The following INSR variants were observed in gnomAD, a reference collection of about 807,000 sequenced individuals.
INSR encodes the protein IR.
A neutral mutation model predicts 142.6 loss-of-function variants in INSR; 67 were observed. That is an observed-to-expected ratio of 0.47 (90% CI 0.39 to 0.58). The LOEUF is 0.58. INSR is among the 20% of genes least tolerant of loss of function. INSR has a pLI of 0.00. For synonymous variants in INSR, 756 were observed against 743.1 expected, an observed-to-expected ratio of 1.02 and a Z score of -0.28; for missense variants, 1,248 against 1,833.2, an observed-to-expected ratio of 0.68 and a Z score of 5.83.
At chr19:7,199,322 G>A (rs539049444) in intron 2 of INSR, among the ~76,000 whole-genome samples, 2 of 152,230 alleles carry the variant, frequency 1.3e-5, no homozygotes, top group South Asian at 4.1e-4. Context: ...GCCAGAACTC[G>A]AATCCAGGTC....
At chr19:7,173,612 CTTTTTTT>C (rs953885301) in intron 4 of INSR, among the ~76,000 whole-genome samples, 2 of 61,498 alleles carry the variant, frequency 3.3e-5, no homozygotes, top group African/African-American at 8.7e-5. Context: ...CAGCGCCTGG[CTTTTTTT>C]TTTTTTTTTT....
At chr19:7,199,638 A>G (rs1040142875) in intron 2 of INSR, among the ~76,000 whole-genome samples, 2 of 146,236 alleles carry the variant, frequency 1.4e-5, no homozygotes, top group African/African-American at 5.1e-5. Flanking sequence ...GCTTCAAGCA[A>G]TCCTCCCACT....
chr19:7,121,054 G>A (rs556115840), intron 19 of INSR, among the ~76,000 whole-genome samples: 1 of 152,058 alleles, frequency 6.6e-6, no homozygotes, highest in Non-Finnish European at 1.5e-5. Flanking sequence ...CTGGAGTGCA[G>A]TGGTGCAATC....
At chr19:7,207,642 G>A (rs1221966806) in intron 2 of INSR, among the ~76,000 whole-genome samples, 1 of 151,290 alleles carries the variant, frequency 6.6e-6, no homozygotes, top group Non-Finnish European at 1.5e-5. Context: ...AAGGAGAATG[G>A]GCCGGGCCAG....
chr19:7,153,481 A>ACACC (rs1394564345), intron 9 of INSR, among the ~76,000 whole-genome samples: 1 of 132,716 alleles, frequency 7.5e-6, no homozygotes, highest in Non-Finnish European at 1.7e-5. Flanking sequence ...CACACACCAC[A>ACACC]CACGCACCAC....
At chr19:7,203,239 C>A (rs760916743) in intron 2 of INSR, among the ~76,000 whole-genome samples, 8 of 152,144 alleles carry the variant, frequency 5.3e-5, no homozygotes, top group Non-Finnish European at 1.0e-4. Flanking sequence ...CAGTTTAATT[C>A]TATTCTAGGT....
intron 2 of INSR, among the ~76,000 whole-genome samples, chr19:7,248,350 G>A (rs1396966111): frequency 1.3e-5 from 2 of 148,490 alleles, no homozygotes; most frequent in Admixed American, 1.3e-4. Flanking sequence ...GTCAGGCACG[G>A]TGGTTCATGC....
At chr19:7,187,206 A>G (rs1359978679) in intron 2 of INSR, among the ~76,000 whole-genome samples, 4 of 151,730 alleles carry the variant, frequency 2.6e-5, no homozygotes. Context: ...CTCAGCCTCG[A>G]GTAGCTGGGA....
chr19:7,180,659 C>T (rs1974251588), intron 3 of INSR, among the ~76,000 whole-genome samples: 1 of 151,920 alleles, frequency 6.6e-6, no homozygotes, highest in Admixed American at 6.6e-5. Flanking sequence ...GACTTTTAAG[C>T]TGCCATCTAG....
At chr19:7,263,028 A>G (rs1255056281) in intron 2 of INSR, among the ~76,000 whole-genome samples, 1 of 152,222 alleles carries the variant, frequency 6.6e-6, no homozygotes, top group African/African-American at 2.4e-5. Flanking sequence ...CTGTAATCCC[A>G]GCACTTTGCG....
chr19:7,192,488 CT>C lies in INSR; in HGVS notation c.653-7852del, dbSNP rs1974630323. 6.6e-6 allele frequency among the ~76,000 whole-genome samples: 1 copy of C among 152,092 alleles called. No homozygotes were observed. Among genetic ancestry groups the C allele is most frequent in the Non-Finnish European group, 1.5e-5 (1 of 68,018 alleles). On this transcript the variant is annotated intron_variant, in intron 2 of 21. Transcript: ENST00000302850. The surrounding 1 kb of genome is among the most constrained non-coding windows in gnomAD (Gnocchi z 4.2). ...GGTTGACTTTCCTCTCCCTGTGCCC[CT>C]GACCTGATCCCCCTCATTGACACGT... is the stretch of plus-strand genomic sequence containing the variant.
At chr19:7,238,133 T>C (rs557255628) in intron 2 of INSR, among the ~76,000 whole-genome samples, 3 of 152,208 alleles carry the variant, frequency 2.0e-5, no homozygotes, top group South Asian at 4.1e-4. Context: ...CAGGATTGAA[T>C]GTAGAATCAT....
At chr19:7,137,798 C>CAAAAAAA (rs1176523364) in intron 13 of INSR, among the ~76,000 whole-genome samples, 1 of 41,482 alleles carries the variant, frequency 2.4e-5, no homozygotes, top group African/African-American at 1.0e-4. Context: ...GACTCCATCT[C>CAAAAAAA]AAAAAAAAAA....
chr19:7,268,711 A>G, intron 1 of INSR: 3 of 495,312 alleles, frequency 6.1e-6, no homozygotes, highest in Non-Finnish European at 7.8e-6. Context: ...TAAGTGCTGC[A>G]CTAATGTCAG....
chr19:7,208,596 G>A lies in INSR; in HGVS notation c.653-23959C>T, dbSNP rs186246944. Among the ~76,000 whole-genome samples, 24 of 152,244 alleles carry A rather than the reference G, an allele frequency of 1.6e-4. No individual in the cohort carries two copies. In the East Asian group the frequency reaches 4.4e-3, roughly 28 times the overall value. Reference sequence around the variant, plus strand: ...GAGAAAACAACAGCTGTGGCCGGGCGCAGTGGCTCACACCTGTAATCCCAG... The same window carrying A: ...GAGAAAACAACAGCTGTGGCCGGGCACAGTGGCTCACACCTGTAATCCCAG... On this transcript the variant is annotated intron_variant, in intron 2 of 21. Coordinates refer to ENST00000302850, the MANE Select transcript of INSR (RefSeq NM_000208.4).
chr19:7,253,040 G>A (rs1483246856), intron 2 of INSR, among the ~76,000 whole-genome samples: 3 of 151,174 alleles, frequency 2.0e-5, no homozygotes, highest in Non-Finnish European at 2.9e-5. Context: ...CCTTGAACCC[G>A]GGAGGCGGAG....
At chr19:7,244,931 CTTTTTTTTTTT>C (rs370936908) in intron 2 of INSR, among the ~76,000 whole-genome samples, 1 of 88,058 alleles carries the variant, frequency 1.1e-5, no homozygotes, top group Admixed American at 1.4e-4. Flanking sequence ...TTTGTTTTTG[CTTTTTTTTTTT>C]TTTTTTTTTT....
chr19:7,250,760 C>T (rs995159736), intron 2 of INSR, among the ~76,000 whole-genome samples: 1 of 152,108 alleles, frequency 6.6e-6, no homozygotes, highest in Non-Finnish European at 1.5e-5. Context: ...CAAGCATGGT[C>T]GCCTTTGAAA....
intron 2 of INSR, among the ~76,000 whole-genome samples, chr19:7,250,156 C>T (rs568825803): frequency 1.2e-4 from 17 of 138,870 alleles, no homozygotes; most frequent in African/African-American, 3.2e-4. Context: ...AAGACCCTGT[C>T]GAAAGAAAAG....
Sources: gnomAD v4.1 joint callset for allele counts (sites outside exome capture counted in the v4.1 genomes callset) on GRCh38, gnomAD v4.1.1 for gene constraint, Gnocchi (gnomAD v3.1) non-coding constraint, MANE v1.5 for transcripts, NCBI Gene and HGNC (gene_info 2026-07-23, HGNC 2026-07-21) for gene names.